ST8SIA2: variants seen among roughly 807,000 people sequenced by gnomAD.
ST8SIA2 encodes the protein alpha-2,8-sialyltransferase 8B.
In ST8SIA2, 22 loss-of-function variants were observed where a neutral mutation model predicts 37.6. The ratio of observed to expected loss-of-function variants is 0.58; its 90% CI spans 0.42 to 0.83. The LOEUF (loss-of-function observed/expected upper bound fraction) is 0.83. Ranked by LOEUF, ST8SIA2 falls within the 40% of genes least tolerant of loss-of-function variation. The pLI is 0.00. For missense variants in ST8SIA2, 382 were observed against 484.7 expected (o/e 0.79, Z 1.99); for synonymous variants, 205 against 201.2 (o/e 1.02, Z -0.16).
Position 92,444,855 on chromosome 15 carries a change from C to T in ST8SIA2, c.768C>T (p.Asn256=), listed in dbSNP as rs762210970. ...GCAAGGAGCGTGTTGAGTGGGTCAA[C>T]GAGCTTATCCTGAAGCACCACGTCA... is the stretch of plus-strand genomic sequence containing the variant. ...RGGKERVEWV[N]ELILKHHVNV... The change falls in exon 5 of 6, where the codon AAC becomes AAT. Residue 256 remains asparagine (N), a synonymous_variant. Transcript: ENST00000268164. 7 of 1,613,844 alleles carry T rather than the reference C, an allele frequency of 4.3e-6. No homozygotes were observed. The highest frequency in any genetic ancestry group is 1.1e-5 in the South Asian group (1 of 91,082).
chr15:92,410,524 G>A lies in ST8SIA2; in HGVS notation c.98+16362G>A, dbSNP rs537502837. On this transcript the variant is annotated intron_variant, in intron 1 of 5. Transcript: ENST00000268164. ...GTGTCACAGCAGGATTGGTGTTCCC[G>A]TCAAATGACATCCTGTATACCGAGT... Among the ~76,000 whole-genome samples, 6 of 152,304 alleles carry A rather than the reference G, an allele frequency of 3.9e-5. No homozygotes were observed. In the East Asian group the frequency reaches 5.8e-4, roughly 15 times the overall value.
chr15:92,407,409 C>G (rs894486021), intron 1 of ST8SIA2, among the ~76,000 whole-genome samples: 4 of 152,182 alleles, frequency 2.6e-5, no homozygotes, highest in South Asian at 2.1e-4. Flanking sequence ...AGGCTTGACC[C>G]GGTGCTGGAG....
At position 92,444,641 on chromosome 15, in the gene ST8SIA2, A is replaced by G; in HGVS notation, c.554A>G (p.Asn185Ser). The G allele has an allele frequency of 6.2e-7, 1 of 1,614,262 alleles. No individual in the cohort carries two copies. The highest frequency in any genetic ancestry group is 8.5e-7 in the Non-Finnish European group (1 of 1,180,046). ...GTTGCCTTTTTCTCCGGCAGGTGCA[A>G]CCTGGCCCCAGTACAGGAGTATGCC... ...IDAHSFVIRC[N>S]LAPVQEYARD... The change falls in exon 5 of 6, where the codon AAC becomes AGC. Residue 185 changes from asparagine (N) to serine (S), a missense_variant. Asn to Ser is a conservative substitution (Grantham distance 46, BLOSUM62 1). Transcript: ENST00000268164.
In ST8SIA2 at chr15:92,467,905, A is replaced by G. The variant is rs17600420; in HGVS notation, c.*3520A>G. 41,196 of 152,204 alleles carry G rather than the reference A, an allele frequency of 0.27. 6,264 individuals are homozygous for G. The highest frequency in any genetic ancestry group is 0.42 in the East Asian group (2,167 of 5,158). 9.4% of individuals were successfully genotyped at this position (152,204 alleles called of 1,614,324 possible). On this transcript the variant is annotated 3_prime_UTR_variant, in exon 6 of 6. Coordinates refer to ENST00000268164, the MANE Select transcript of ST8SIA2 (RefSeq NM_006011.4). Reference sequence around the variant, plus strand: ...CACCCGCTGGAGGGACACTCACCCCATCTGCTCCCACGGCAGCACCATCAA... The same window carrying G: ...CACCCGCTGGAGGGACACTCACCCCGTCTGCTCCCACGGCAGCACCATCAA...
chr15:92,403,668 G>C (rs61512337), intron 1 of ST8SIA2, among the ~76,000 whole-genome samples: 1 of 152,110 alleles, frequency 6.6e-6, no homozygotes, highest in African/African-American at 2.4e-5. Context: ...TAATGAAGGC[G>C]GGAGGCATAA....
At chr15:92,425,165 C>T (rs946278424) in intron 1 of ST8SIA2, among the ~76,000 whole-genome samples, 2 of 152,194 alleles carry the variant, frequency 1.3e-5, no homozygotes, top group African/African-American at 2.4e-5. Flanking sequence ...AGTTCCCCAT[C>T]GCAAGGAATA....
At chr15:92,459,428 ACT>A (rs752134231) in intron 5 of ST8SIA2, among the ~76,000 whole-genome samples, 1 of 151,680 alleles carries the variant, frequency 6.6e-6, no homozygotes, top group African/African-American at 2.4e-5. Flanking sequence ...TTTTATCCAA[ACT>A]CTGTCTAACC....
intron 1 of ST8SIA2, among the ~76,000 whole-genome samples, chr15:92,415,433 G>A (rs899109052): frequency 7.9e-5 from 12 of 152,086 alleles, no homozygotes; most frequent in African/African-American, 2.4e-4. Flanking sequence ...TTTGCTAATT[G>A]ATAGGACGAG....
intron 5 of ST8SIA2, among the ~76,000 whole-genome samples, chr15:92,460,309 A>G (rs1468724480): frequency 6.6e-6 from 1 of 152,222 alleles, no homozygotes; most frequent in Admixed American, 6.5e-5. Context: ...CACACATGGT[A>G]GTGAGATCCA....
chr15:92,446,177 G>C (rs1302905876), intron 5 of ST8SIA2, among the ~76,000 whole-genome samples: 1 of 152,142 alleles, frequency 6.6e-6, no homozygotes, highest in African/African-American at 2.4e-5. Flanking sequence ...GTAAAACAGT[G>C]GGGGGCTGAA....
chr15:92,449,184 T>C (rs114960651), intron 5 of ST8SIA2, among the ~76,000 whole-genome samples: 2,367 of 152,298 alleles, frequency 0.016, 53 homozygotes, highest in African/African-American at 0.053. Context: ...CAGTGTCTAC[T>C]GTTGCCATCT....
intron 1 of ST8SIA2, among the ~76,000 whole-genome samples, chr15:92,414,206 C>T (rs1414061357): frequency 6.6e-6 from 1 of 152,204 alleles, no homozygotes; most frequent in African/African-American, 2.4e-5. Flanking sequence ...GGAATAAAAT[C>T]ACAGGGGACA....
chr15:92,421,027 T>A lies in ST8SIA2; in HGVS notation c.99-9022T>A, dbSNP rs570643579. On this transcript the variant is annotated intron_variant, in intron 1 of 5. Coordinates refer to ENST00000268164, the MANE Select transcript of ST8SIA2 (RefSeq NM_006011.4). ...AAGAAGGCATGAATTTAAATCTAAC[T>A]GGGAACACATCTAAATTGGGTGCAA... 3 of 152,354 alleles carry A rather than the reference T, an allele frequency of 2.0e-5. No homozygotes were observed. The South Asian group carries it at 6.2e-4, about 32-fold the overall frequency. 9.4% of individuals were successfully genotyped at this position (152,354 alleles called of 1,614,324 possible). A position where few individuals can be genotyped will look rare whatever the true frequency, so the allele number is the denominator to read the frequency against.
chr15:92,407,113 C>T (rs1027534858), intron 1 of ST8SIA2, among the ~76,000 whole-genome samples: 1 of 151,842 alleles, frequency 6.6e-6, no homozygotes, highest in African/African-American at 2.4e-5. Context: ...TACATTGTTT[C>T]ACACATTTAT....
chr15:92,461,374 G>T (rs905014948), intron 5 of ST8SIA2, among the ~76,000 whole-genome samples: 1 of 152,128 alleles, frequency 6.6e-6, no homozygotes, highest in Admixed American at 6.5e-5. Flanking sequence ...CTTCTGGGAA[G>T]CATCCTTTCC....
intron 5 of ST8SIA2, among the ~76,000 whole-genome samples, chr15:92,452,337 T>C (rs1365962076): frequency 8.5e-6 from 1 of 117,404 alleles, no homozygotes; most frequent in African/African-American, 3.0e-5. Flanking sequence ...GTAATTTGCA[T>C]GCACAGCGTT....
chr15:92,460,454 A>C (rs1215454889), intron 5 of ST8SIA2, among the ~76,000 whole-genome samples: 1 of 152,234 alleles, frequency 6.6e-6, no homozygotes, highest in Non-Finnish European at 1.5e-5. Flanking sequence ...GCCAAGGTGC[A>C]TGAATACTTT....
At chr15:92,396,290 G>A (rs2049429693) in intron 1 of ST8SIA2, among the ~76,000 whole-genome samples, 1 of 152,138 alleles carries the variant, frequency 6.6e-6, no homozygotes, top group Non-Finnish European at 1.5e-5. Context: ...CCTTTCGACT[G>A]GGATGGGCAC....
chr15:92,427,801 T>G (rs1019723813), intron 1 of ST8SIA2, among the ~76,000 whole-genome samples: 3 of 152,192 alleles, frequency 2.0e-5, no homozygotes, highest in African/African-American at 7.2e-5. Context: ...CTGATCAACA[T>G]GGCAAAACCC....
Sources: allele counts gnomAD v4.1 joint callset (sites outside exome capture counted in the v4.1 genomes callset), GRCh38; gene constraint gnomAD v4.1.1; transcripts MANE v1.5; gene names NCBI Gene and HGNC (gene_info 2026-07-23, HGNC 2026-07-21).